The following ADH7 variants were observed in gnomAD, a reference collection of about 807,000 sequenced individuals.
ADH7 encodes alcohol dehydrogenase 7 (class IV), mu or sigma polypeptide, also known as all-trans-retinol dehydrogenase [NAD(+)] ADH7.
In ADH7, 41 loss-of-function variants were observed where a neutral mutation model predicts 34.4. The observed-to-expected ratio is 1.19, with a 90% CI of 0.93 to 1.55. ADH7 has a LOEUF of 1.55. ADH7 is among the 40% of genes most tolerant of loss of function. The pLI is 0.00. For missense variants in ADH7, 540 were observed against 461.2 expected (o/e 1.17, Z -1.56); for synonymous variants, 180 against 160.9 (o/e 1.12, Z -0.90).
At chr4:99,429,714 G>A (rs1008384443) in intron 1 of ADH7, 81 bp from the exon 2 acceptor site, 5 of 884,302 alleles carry the variant, frequency 5.7e-6, no homozygotes, top group Non-Finnish European at 8.6e-6. Flanking sequence ...AATATGAACA[G>A]AAGAGCATAT....
At position 99,420,659 on chromosome 4, in the gene ADH7, C is replaced by T. The variant is rs1168416515; in HGVS notation, c.699G>A (p.Met233Ile). The T allele has an allele frequency of 1.2e-6, 2 of 1,613,858 alleles. No individual in the cohort carries two copies. The highest frequency in any genetic ancestry group is 2.7e-5 in the African/African-American group (2 of 74,898). ...DLNKDKFEKAMAVGATECISP... is the reference protein window; with the variant it reads ...DLNKDKFEKAIAVGATECISP... ...TGATACACTCAGTGGCACCTACAGC[C>T]ATGGCCTTCTCAAATTTGTCTTTGT... The change falls in exon 6 of 9, where the codon ATG (methionine) becomes ATA (isoleucine). Residue 233 changes from methionine (M) to isoleucine (I), a missense_variant. Coordinates refer to ENST00000437033, the MANE Select transcript of ADH7 (RefSeq NM_000673.7).
intron 5 of ADH7, among the ~76,000 whole-genome samples, chr4:99,423,357 T>C (rs1008305864): frequency 6.6e-6 from 1 of 151,268 alleles, no homozygotes; most frequent in Non-Finnish European, 1.5e-5. Context: ...TGTGTCTTTA[T>C]AGCAGCATGA....
chr4:99,428,031 A>C (rs1225004964), intron 4 of ADH7, 42 bp from the exon 5 acceptor site: 1 of 1,612,974 alleles, frequency 6.2e-7, no homozygotes, highest in Non-Finnish European at 8.5e-7. Context: ...AATTCAATTC[A>C]AAAATTAGCA....
At chr4:99,434,602 A>G (rs138078549) in intron 1 of ADH7, among the ~76,000 whole-genome samples, 1 of 152,338 alleles carries the variant, frequency 6.6e-6, no homozygotes, top group East Asian at 1.9e-4. Flanking sequence ...AGCTGTTTCT[A>G]AAGTTAATAC....
intron 5 of ADH7, among the ~76,000 whole-genome samples, chr4:99,421,298 C>T (rs1721657280): frequency 6.6e-6 from 1 of 152,148 alleles, no homozygotes; most frequent in Non-Finnish European, 1.5e-5. Flanking sequence ...GGTACCAAAA[C>T]AGATATATAG....
chr4:99,428,041 A>T (rs775120414), intron 4 of ADH7, 46 bp downstream of exon 4: 13 of 1,612,680 alleles, frequency 8.1e-6, no homozygotes, highest in Non-Finnish European at 1.1e-5. Context: ...AAAAATTAGC[A>T]TAGGAAAAAT....
rs1418511591 is a variant in ADH7 at position 99,419,034 on chromosome 4, G to A, written c.913C>T (p.Pro305Ser). 2 of 1,613,704 alleles carry A rather than the reference G, an allele frequency of 1.2e-6. No homozygotes were observed. Among genetic ancestry groups the A allele is most frequent in the Non-Finnish European group, 1.7e-6 (2 of 1,179,866 alleles). The change falls in exon 7 of 9, where the codon CCG (proline) becomes TCG (serine). Residue 305 changes from proline (P) to serine (S), a missense_variant. Pro to Ser is a moderately conservative substitution (Grantham distance 74). Transcript: ENST00000437033. Reference protein sequence around the residue: ...PPSAKMLTYDPMLLFTGRTWK... With the variant: ...PPSAKMLTYDSMLLFTGRTWK... ...GTGCGTCCAGTGAAGAGCAACATCG[G>A]GTCATAGGTGAGCATCTTGGCTGAT...
chr4:99,428,197 T>G (rs751883877), intron 3 of ADH7, 23 bp from the exon 4 acceptor site: 190 of 1,577,030 alleles, frequency 1.2e-4, no homozygotes, highest in Non-Finnish European at 1.6e-4. Flanking sequence ...AATCATGATA[T>G]AAGATGCTGT....
chr4:99,424,657 C>T (rs1043654089), intron 5 of ADH7, among the ~76,000 whole-genome samples: 40 of 152,128 alleles, frequency 2.6e-4, no homozygotes, highest in Non-Finnish European at 5.9e-5. Context: ...AATGGGAGTT[C>T]ACTCATGATT....
chr4:99,435,095 A>G (rs1363139274), intron 1 of ADH7, 121 bp downstream of exon 1: 1 of 1,550,240 alleles, frequency 6.5e-7, no homozygotes, highest in African/African-American at 1.4e-5. Flanking sequence ...CTGCTCACCA[A>G]GCATTTCATT....
At chr4:99,432,760 CAT>C (rs1721965039) in intron 1 of ADH7, 2 of 152,140 alleles carry the variant, frequency 1.3e-5, no homozygotes, top group South Asian at 4.2e-4. Context: ...TAGATTGTGA[CAT>C]GTTTGTTCTC....
chr4:99,426,929 T>C (rs1368500187), intron 5 of ADH7, among the ~76,000 whole-genome samples: 8 of 152,134 alleles, frequency 5.3e-5, no homozygotes, highest in Non-Finnish European at 7.4e-5. Context: ...ATAAATGTAA[T>C]CTGCATATAA....
At chr4:99,416,977 A>G (rs1579571700) in intron 7 of ADH7, among the ~76,000 whole-genome samples, 1 of 152,088 alleles carries the variant, frequency 6.6e-6, no homozygotes, top group South Asian at 2.1e-4. Context: ...TTGCCATACA[A>G]TAACTATTTC....
chr4:99,422,865 TTTTA>T (rs1198911241), intron 5 of ADH7, among the ~76,000 whole-genome samples: 7 of 149,264 alleles, frequency 4.7e-5, no homozygotes, highest in Non-Finnish European at 7.4e-5. Context: ...AATAGATCTA[TTTTA>T]TTTATTTATT....
chr4:99,427,003 T>G (rs1721822853), intron 5 of ADH7, among the ~76,000 whole-genome samples: 1 of 152,158 alleles, frequency 6.6e-6, no homozygotes, highest in Non-Finnish European at 1.5e-5. Flanking sequence ...TTTGACAAAA[T>G]TCAACAATGC....
At chr4:99,418,776 T>A (rs1721579123) in intron 7 of ADH7, among the ~76,000 whole-genome samples, 1 of 152,206 alleles carries the variant, frequency 6.6e-6, no homozygotes, top group Non-Finnish European at 1.5e-5. Flanking sequence ...GAGTTGCAGA[T>A]GTTAATATTA....
intron 1 of ADH7, among the ~76,000 whole-genome samples, chr4:99,431,600 T>A (rs1721938646): frequency 6.6e-6 from 1 of 152,146 alleles, no homozygotes; most frequent in Non-Finnish European, 1.5e-5. Context: ...CCGGCATCTA[T>A]AAGGAACTTA....
chr4:99,422,541 T>C (rs769825156), intron 5 of ADH7, among the ~76,000 whole-genome samples: 5 of 149,888 alleles, frequency 3.3e-5, no homozygotes, highest in Non-Finnish European at 3.0e-5. Flanking sequence ...GGAGGACGAG[T>C]CAACAGATGC....
chr4:99,423,123 C>T lies in ADH7; in HGVS notation c.565-2330G>A, dbSNP rs550738134. 3.1e-3 allele frequency among the ~76,000 whole-genome samples: 467 copies of T among 148,316 alleles called. 4 individuals are homozygous for T. The highest frequency in any genetic ancestry group is 0.011 in the African/African-American group (436 of 40,222). ...ATTCCTATCTATGAGTGAGAACATGCGGTGTTTGTTTTTTTGTCCTTGTGA... is the reference window on the plus strand; with the variant it reads ...ATTCCTATCTATGAGTGAGAACATGTGGTGTTTGTTTTTTTGTCCTTGTGA... On this transcript the variant is annotated intron_variant, in intron 5 of 8. Coordinates refer to ENST00000437033, the MANE Select transcript of ADH7 (RefSeq NM_000673.7).
Sources: gnomAD v4.1 joint callset for allele counts (sites outside exome capture counted in the v4.1 genomes callset) on GRCh38, gnomAD v4.1.1 for gene constraint, MANE v1.5 for transcripts, NCBI Gene and HGNC (gene_info 2026-07-23, HGNC 2026-07-21) for gene names.